HS3ST4: variants seen among roughly 807,000 people sequenced by gnomAD.
The protein encoded by HS3ST4 is heparan sulfate glucosamine 3-O-sulfotransferase 4.
In HS3ST4, 17 loss-of-function variants were observed where a neutral mutation model predicts 29.2. The ratio of observed to expected loss-of-function variants is 0.58; its 90% CI spans 0.40 to 0.87. The LOEUF is 0.87. Among genes scored for constraint, HS3ST4 ranks in the 40% least tolerant of loss-of-function variants. HS3ST4 has a pLI of 0.00. For synonymous variants in HS3ST4, 314 were observed against 285.7 expected (o/e 1.10, Z -1.00); for missense variants, 627 against 634.5 (o/e 0.99, Z 0.13).
At chr16:25,736,754 C>T (rs1966612716) in intron 1 of HS3ST4, among the ~76,000 whole-genome samples, 1 of 152,188 alleles carries the variant, frequency 6.6e-6, no homozygotes, top group Non-Finnish European at 1.5e-5. Context: ...CCCATACTAT[C>T]ATTCATTGTT....
chr16:25,806,883 G>A (rs1216924363), intron 1 of HS3ST4, among the ~76,000 whole-genome samples: 2 of 152,240 alleles, frequency 1.3e-5, no homozygotes, highest in Admixed American at 6.5e-5. Flanking sequence ...ATTTAGTTCT[G>A]TGCAGTTTTC....
chr16:25,706,137 T>C (rs1020520981), intron 1 of HS3ST4, among the ~76,000 whole-genome samples: 12 of 152,324 alleles, frequency 7.9e-5, no homozygotes, highest in African/African-American at 2.4e-4. Context: ...TGTAACTGTT[T>C]CACCGGATTC....
intron 1 of HS3ST4, among the ~76,000 whole-genome samples, chr16:26,091,185 C>T (rs1898852299): frequency 1.3e-5 from 2 of 152,028 alleles, no homozygotes; most frequent in African/African-American, 4.8e-5. Flanking sequence ...TGAACCGATC[C>T]CTAATAAAGA....
intron 1 of HS3ST4, among the ~76,000 whole-genome samples, chr16:26,022,807 C>T (rs111565873): frequency 2.6e-4 from 39 of 152,132 alleles, no homozygotes; most frequent in African/African-American, 4.8e-4. Context: ...TGGCCTACAG[C>T]GCTTTTTATT....
At chr16:25,963,476 CCA>C (rs1424464400) in intron 1 of HS3ST4, among the ~76,000 whole-genome samples, 2 of 152,184 alleles carry the variant, frequency 1.3e-5, no homozygotes, top group Non-Finnish European at 2.9e-5. Flanking sequence ...GAAACTTCAG[CCA>C]GTTATTGGTA....
At chr16:25,885,601 C>T (rs536037083) in intron 1 of HS3ST4, among the ~76,000 whole-genome samples, 1 of 152,238 alleles carries the variant, frequency 6.6e-6, no homozygotes, top group African/African-American at 2.4e-5. Context: ...TACCTGTCCC[C>T]CAACCACAAA....
At chr16:26,022,239 G>A (rs907615501) in intron 1 of HS3ST4, among the ~76,000 whole-genome samples, 13 of 152,068 alleles carry the variant, frequency 8.5e-5, no homozygotes, top group African/African-American at 2.4e-4. Flanking sequence ...AAAGTGTTAG[G>A]ATTCTATGCA....
chr16:25,918,093 T>A (rs1223943042), intron 1 of HS3ST4, among the ~76,000 whole-genome samples: 1 of 152,214 alleles, frequency 6.6e-6, no homozygotes, highest in Admixed American at 6.5e-5. Context: ...TGCAGACATA[T>A]AATAATAACA....
chr16:25,925,244 G>C (rs1018252395), intron 1 of HS3ST4, among the ~76,000 whole-genome samples: 1 of 151,168 alleles, frequency 6.6e-6, no homozygotes, highest in Non-Finnish European at 1.5e-5. Flanking sequence ...CCTCTGATTG[G>C]CCCAGCTGGT....
chr16:25,815,448 C>T (rs1278108480), intron 1 of HS3ST4, among the ~76,000 whole-genome samples: 8 of 152,254 alleles, frequency 5.3e-5, no homozygotes, highest in South Asian at 4.1e-4. Flanking sequence ...CTCAGCCTCA[C>T]GAGTAGCTGG....
chr16:25,857,948 C>CTTTCTTTCTTTCTTTA (rs1555469182), intron 1 of HS3ST4, among the ~76,000 whole-genome samples: 1 of 57,104 alleles, frequency 1.8e-5, no homozygotes, highest in Non-Finnish European at 3.4e-5. Flanking sequence ...TTCTTTCTTT[C>CTTTCTTTCTTTCTTTA]TTTCTTTCTT....
intron 1 of HS3ST4, among the ~76,000 whole-genome samples, chr16:25,805,847 C>T (rs556434397): frequency 6.6e-6 from 1 of 152,222 alleles, no homozygotes; most frequent in South Asian, 2.1e-4. Flanking sequence ...CTAATGCTCC[C>T]TCCCCTCAGG....
At chr16:26,019,655 T>A (rs1969393062) in intron 1 of HS3ST4, among the ~76,000 whole-genome samples, 1 of 152,180 alleles carries the variant, frequency 6.6e-6, no homozygotes, top group Admixed American at 6.5e-5. Context: ...AGAACACCAC[T>A]TCTTATCAAA....
intron 1 of HS3ST4, among the ~76,000 whole-genome samples, chr16:25,773,074 C>A (rs1966844329): frequency 6.6e-6 from 1 of 152,180 alleles, no homozygotes; most frequent in Non-Finnish European, 1.5e-5. Flanking sequence ...GCGATACATG[C>A]CACATACCGT....
At chr16:26,089,416 G>A (rs1285342876) in intron 1 of HS3ST4, among the ~76,000 whole-genome samples, 1 of 152,196 alleles carries the variant, frequency 6.6e-6, no homozygotes, top group Non-Finnish European at 1.5e-5. Context: ...AACTGGTGGA[G>A]AAGGAGGGTT....
At chr16:25,961,621 G>A (rs1448347550) in intron 1 of HS3ST4, among the ~76,000 whole-genome samples, 1 of 152,138 alleles carries the variant, frequency 6.6e-6, no homozygotes, top group South Asian at 2.1e-4. Context: ...CTTGCAATAA[G>A]CAACAGTGTG....
intron 1 of HS3ST4, among the ~76,000 whole-genome samples, chr16:25,747,008 C>A (rs909528508): frequency 6.6e-6 from 1 of 152,054 alleles, no homozygotes; most frequent in African/African-American, 2.4e-5. Flanking sequence ...ACCATCACAC[C>A]AGCTTGATTT....
intron 1 of HS3ST4, among the ~76,000 whole-genome samples, chr16:25,735,891 T>G (rs114194459): frequency 2.1e-3 from 313 of 152,228 alleles, no homozygotes; most frequent in African/African-American, 7.1e-3. Context: ...AATGCAGAAC[T>G]GGAGGAGGAA....
intron 1 of HS3ST4, among the ~76,000 whole-genome samples, chr16:25,848,421 T>C (rs1238295491): frequency 6.6e-6 from 1 of 151,984 alleles, no homozygotes; most frequent in Non-Finnish European, 1.5e-5. Context: ...ATTATAGGAG[T>C]GAACCGCTGT....
Sources: allele counts gnomAD v4.1 joint callset (sites outside exome capture counted in the v4.1 genomes callset), GRCh38; gene constraint gnomAD v4.1.1; transcripts MANE v1.5; gene names NCBI Gene and HGNC (gene_info 2026-07-23, HGNC 2026-07-21).